The following ABCB11 variants were observed in gnomAD, a reference collection of about 807,000 sequenced individuals.
The protein encoded by ABCB11 is bile salt export pump.
In ABCB11, 95 loss-of-function variants were observed where a neutral mutation model predicts 148.0. The observed-to-expected ratio is 0.64, with a 90% CI of 0.54 to 0.76. The LOEUF (loss-of-function observed/expected upper bound fraction) is 0.76. Ranked by LOEUF, ABCB11 falls within the 30% of genes least tolerant of loss-of-function variation. ABCB11 has a pLI of 0.00. For missense variants in ABCB11, 1,523 were observed against 1,617.8 expected (o/e 0.94, Z 1.01); for synonymous variants, 591 against 555.4 (o/e 1.06, Z -0.90).
chr2:168,978,826 C>T (rs1241712950), intron 11 of ABCB11, among the ~76,000 whole-genome samples: 1 of 152,052 alleles, frequency 6.6e-6, no homozygotes, highest in Admixed American at 6.6e-5. Flanking sequence ...CTCAGGTGAT[C>T]CTCCCACCTC....
At chr2:168,954,790 T>C (rs1229234510) in intron 19 of ABCB11, among the ~76,000 whole-genome samples, 1 of 151,668 alleles carries the variant, frequency 6.6e-6, no homozygotes, top group Admixed American at 6.6e-5. Flanking sequence ...TGGGAGGTTG[T>C]TATTGATGAT....
intron 5 of ABCB11, among the ~76,000 whole-genome samples, chr2:169,004,792 G>T (rs1477467287): frequency 1.3e-5 from 2 of 152,190 alleles, no homozygotes; most frequent in Non-Finnish European, 2.9e-5. Flanking sequence ...TCAGAGGGAA[G>T]ATCTGGGATT....
intron 10 of ABCB11, among the ~76,000 whole-genome samples, chr2:168,982,866 C>G (rs931351987): frequency 6.6e-6 from 1 of 152,094 alleles, no homozygotes; most frequent in Non-Finnish European, 1.5e-5. Context: ...GAAATTTTCT[C>G]TTAAGATATA....
At chr2:168,948,500 G>GT (rs3084035) in intron 19 of ABCB11, among the ~76,000 whole-genome samples, 6,031 of 150,122 alleles carry the variant, frequency 0.04, 395 homozygotes, top group African/African-American at 0.14. Context: ...TGATGAGTGG[G>GT]TTTTTTTTTG....
intron 23 of ABCB11, among the ~76,000 whole-genome samples, chr2:168,932,884 C>T (rs562032277): frequency 2.3e-3 from 345 of 152,008 alleles, no homozygotes; most frequent in Non-Finnish European, 4.2e-3. Flanking sequence ...CCGAGGCGGG[C>T]GGATCACGAG....
chr2:168,969,957 C>G, intron 15 of ABCB11, 88 bp downstream of exon 15: 1 of 549,226 alleles, frequency 1.8e-6, no homozygotes, highest in Non-Finnish European at 3.6e-6. Flanking sequence ...CTACTCCCAT[C>G]CCTCCCACCC....
intron 2 of ABCB11, 58 bp downstream of exon 2, chr2:169,017,992 C>G: frequency 1.4e-6 from 2 of 1,437,522 alleles, no homozygotes; most frequent in Non-Finnish European, 9.8e-7. Flanking sequence ...CCAGCTTGTC[C>G]TACTTTTGTT....
intron 9 of ABCB11, among the ~76,000 whole-genome samples, chr2:168,986,662 C>T (rs1356808182): frequency 6.6e-6 from 1 of 152,060 alleles, no homozygotes; most frequent in Non-Finnish European, 1.5e-5. Flanking sequence ...GCAACTGGCT[C>T]CAAATAAGCA....
At chr2:168,943,487 G>A (rs1232042173) in intron 21 of ABCB11, among the ~76,000 whole-genome samples, 1 of 151,960 alleles carries the variant, frequency 6.6e-6, no homozygotes, top group Non-Finnish European at 1.5e-5. Context: ...TGAGAATGAA[G>A]TATTGTGCAC....
At chr2:168,928,635 G>T (rs978287620) in intron 25 of ABCB11, among the ~76,000 whole-genome samples, 1 of 152,162 alleles carries the variant, frequency 6.6e-6, no homozygotes, top group Non-Finnish European at 1.5e-5. Flanking sequence ...CATATTCAGA[G>T]AAATATACTT....
chr2:168,927,978 C>A (rs1018812623), intron 25 of ABCB11, among the ~76,000 whole-genome samples: 8 of 152,128 alleles, frequency 5.3e-5, no homozygotes, highest in African/African-American at 1.9e-4. Context: ...TCTAGTTAGG[C>A]AGTTAAGTCC....
rs541492842 is a variant in ABCB11, at chr2:169,019,631, A to G, written c.-27-1479T>C. On this transcript the variant is annotated intron_variant, in intron 1 of 27. Transcript: ENST00000650372. The stretch of plus-strand genomic sequence containing the variant: ...GAGATTGGTTGAAAACAATCCCCAT[A>G]CAAGTGGACCTCCACAGTTGCAACC... Among the ~76,000 whole-genome samples the G allele has an allele frequency of 3.3e-5, 5 of 152,314 alleles. No individual in the cohort carries two copies. In the East Asian group the frequency reaches 9.6e-4, roughly 29 times the overall value.
chr2:168,943,279 T>A (rs1169510006), intron 21 of ABCB11, among the ~76,000 whole-genome samples: 1 of 151,936 alleles, frequency 6.6e-6, no homozygotes, highest in Non-Finnish European at 1.5e-5. Flanking sequence ...TGGAACAAAG[T>A]TTCTTTAAGC....
At chr2:169,012,612 C>T (rs111430119) in intron 5 of ABCB11, among the ~76,000 whole-genome samples, 3,660 of 151,082 alleles carry the variant, frequency 0.024, 70 homozygotes, top group African/African-American at 0.043. Context: ...TAGTGGCGGG[C>T]GCCTGTAATC....
intron 26 of ABCB11, among the ~76,000 whole-genome samples, chr2:168,925,697 C>T (rs889863931): frequency 1.1e-4 from 16 of 152,300 alleles, no homozygotes; most frequent in Non-Finnish European, 1.6e-4. Flanking sequence ...TGTTTCCTTT[C>T]CCTGCTTCCC....
At chr2:168,931,233 A>C (rs777624906) in intron 24 of ABCB11, among the ~76,000 whole-genome samples, 1 of 152,208 alleles carries the variant, frequency 6.6e-6, no homozygotes, top group Non-Finnish European at 1.5e-5. Context: ...GACTAAAAAT[A>C]ATGTTACACT....
intron 18 of ABCB11, among the ~76,000 whole-genome samples, chr2:168,959,017 T>C (rs906023398): frequency 6.6e-6 from 1 of 151,726 alleles, no homozygotes; most frequent in Non-Finnish European, 1.5e-5. Context: ...CTATAAAGCT[T>C]AATTAGTGCT....
Position 168,932,389 on chromosome 2 carries a change from T to G in ABCB11, c.3201A>C (p.Ala1067=). The change falls in exon 24 of 28, where the codon GCA becomes GCC. Residue 1067 remains alanine, a synonymous_variant. Transcript: ENST00000650372. ...TTCCAACACTTACCCATTTTTCACC[T>G]GCAGTATTGTATACACTGATTGGGG... is the stretch of plus-strand genomic sequence containing the variant. The part of the protein sequence containing the change: ...RQPPISVYNT[A]GEKWDNFQGK... 3 of 1,561,980 alleles carry G rather than the reference T, an allele frequency of 1.9e-6. No homozygotes were observed. Among genetic ancestry groups the G allele is most frequent in the South Asian group, 2.4e-5 (2 of 84,826 alleles).
intron 26 of ABCB11, among the ~76,000 whole-genome samples, chr2:168,926,310 C>T (rs759112563): frequency 9.9e-5 from 15 of 152,126 alleles, no homozygotes; most frequent in Admixed American, 1.3e-4. Context: ...CCACCACCCA[C>T]GGTACACATT....
Sources: allele counts gnomAD v4.1 joint callset (sites outside exome capture counted in the v4.1 genomes callset), GRCh38; gene constraint gnomAD v4.1.1; transcripts MANE v1.5; gene names NCBI Gene and HGNC (gene_info 2026-07-23, HGNC 2026-07-21).